PPIL3: variants seen among roughly 807,000 people sequenced by gnomAD.
The protein encoded by PPIL3 is peptidyl-prolyl cis-trans isomerase-like 3.
Under a neutral mutation model 20.9 loss-of-function variants are expected in PPIL3, and 13 were observed. The observed-to-expected ratio is 0.62, with a 90% confidence interval of 0.40 to 0.99. The LOEUF is 0.99. Ranked by LOEUF, PPIL3 falls within the 50% of genes least tolerant of loss-of-function variation. PPIL3 has a pLI of 0.00. For synonymous variants in PPIL3, 71 were observed against 64.4 expected, an observed-to-expected ratio of 1.10 and a Z score of -0.49; for missense variants, 170 against 195.2, an observed-to-expected ratio of 0.87 and a Z score of 0.77.
At chr2:200,875,267 T>C (rs957592711) in intron 6 of PPIL3, among the ~76,000 whole-genome samples, 3 of 151,486 alleles carry the variant, frequency 2.0e-5, no homozygotes, top group African/African-American at 7.3e-5. Flanking sequence ...CTGGGTCTTC[T>C]GGGAAAGTTT....
chr2:200,886,293 A>G (rs2039935578), intron 2 of PPIL3, among the ~76,000 whole-genome samples: 3 of 152,214 alleles, frequency 2.0e-5, no homozygotes, highest in African/African-American at 4.8e-5. Flanking sequence ...TTAAATGTGC[A>G]GAGATAACCA....
intron 3 of PPIL3, 67 bp from the exon 4 acceptor site, chr2:200,882,502 T>C (rs2039770020): frequency 3.1e-6 from 3 of 966,750 alleles, no homozygotes; most frequent in Admixed American, 1.8e-5. Context: ...AAACCAATCA[T>C]ATTTACTGAA....
At chr2:200,881,238 CAT>C (rs1373557788) in intron 5 of PPIL3, among the ~76,000 whole-genome samples, 181 bp downstream of exon 5, 11 of 152,208 alleles carry the variant, frequency 7.2e-5, no homozygotes, top group East Asian at 3.8e-4. Flanking sequence ...TTCCAGTACA[CAT>C]GTCAGGCTAG....
intron 6 of PPIL3, among the ~76,000 whole-genome samples, chr2:200,872,928 A>G (rs1254296143): frequency 2.0e-5 from 3 of 150,328 alleles, no homozygotes; most frequent in African/African-American, 4.9e-5. Flanking sequence ...ACTGGAGTGC[A>G]ATGGTGTGAT....
intron 5 of PPIL3, 24 bp downstream of exon 5, chr2:200,881,397 A>T: frequency 6.3e-7 from 1 of 1,586,780 alleles, no homozygotes; most frequent in Non-Finnish European, 8.6e-7. Context: ...TGAGAAATAG[A>T]TTTTTAAAGC....
chr2:200,884,487 C>T (rs927776433), intron 3 of PPIL3, among the ~76,000 whole-genome samples: 1 of 151,984 alleles, frequency 6.6e-6, no homozygotes, highest in Admixed American at 6.6e-5. Flanking sequence ...CCTATAATTC[C>T]AATACTTCAG....
At chr2:200,873,082 G>A (rs1316413518) in intron 6 of PPIL3, among the ~76,000 whole-genome samples, 6 of 152,156 alleles carry the variant, frequency 3.9e-5, no homozygotes, top group African/African-American at 1.2e-4. Context: ...ATGTTGGCCA[G>A]GCTGGTCTGG....
intron 6 of PPIL3, among the ~76,000 whole-genome samples, chr2:200,874,171 T>C (rs186048804): frequency 7.8e-4 from 116 of 148,178 alleles, no homozygotes; most frequent in South Asian, 2.8e-3. Context: ...CGCCACTGCA[T>C]TCCAGCCTGG....
intron 2 of PPIL3, among the ~76,000 whole-genome samples, chr2:200,886,693 C>T (rs778938941): frequency 5.9e-5 from 9 of 151,954 alleles, no homozygotes; most frequent in South Asian, 2.1e-4. Context: ...CCCAAAGTGC[C>T]GAGATTACAG....
In PPIL3 at chr2:200,876,988, T is replaced by C. The variant is rs143041789; in HGVS notation, c.290A>G (p.Asn97Ser). 143 of 1,613,852 alleles carry C rather than the reference T, an allele frequency of 8.9e-5. 1 individual carries two copies. Among genetic ancestry groups the C allele is most frequent in the South Asian group, 3.6e-4 (33 of 91,072 alleles). The change falls in exon 6 of 7, where the codon AAT becomes AGT. Residue 97 changes from asparagine to serine, a missense_variant. Physicochemically the swap from Asn to Ser is conservative, Grantham distance 46. Transcript: ENST00000392283. ...ATAGGTGATGAAGAACTGAGATCCA[T>C]TGGTGTTCGGGCCATTATTAGCCAT... ...VSMANNGPNT[N>S]GSQFFITYGK...
chr2:200,881,888 A>G (rs2039743673), intron 4 of PPIL3: 1 of 216,778 alleles, frequency 4.6e-6, no homozygotes, highest in African/African-American at 2.3e-5. Flanking sequence ...ATGTAATACT[A>G]TGCAGCCATA....
chr2:200,875,747 A>AT (rs1559336426), intron 6 of PPIL3, among the ~76,000 whole-genome samples: 2 of 150,938 alleles, frequency 1.3e-5, no homozygotes, highest in African/African-American at 2.4e-5. Context: ...TAATTTTTAA[A>AT]TTTTTTTTAT....
At chr2:200,882,662 C>A (rs1189563019) in intron 3 of PPIL3, among the ~76,000 whole-genome samples, 1 of 152,130 alleles carries the variant, frequency 6.6e-6, no homozygotes. Context: ...GTAATCCCAG[C>A]ACTTTGGGAG....
At chr2:200,888,849 CCGCCCACTGTTCACT>C (rs1294189066) in intron 1 of PPIL3, 92 bp downstream of exon 1, 1 of 455,204 alleles carries the variant, frequency 2.2e-6, no homozygotes, top group Non-Finnish European at 4.6e-6. Flanking sequence ...AACAGCCTCG[CCGCCCACTGTTCACT>C]CGCAGTATCC....
At chr2:200,887,489 C>T in intron 2 of PPIL3, 124 bp downstream of exon 2, 3 of 532,390 alleles carry the variant, frequency 5.6e-6, no homozygotes, top group Non-Finnish European at 6.5e-6. Flanking sequence ...ATATTAAGTG[C>T]TTCTATATTA....
In PPIL3 at chr2:200,882,365, A is replaced by G; in HGVS notation, c.149T>C (p.Met50Thr). ...ACCTGTTGGATCTCCTGTTTGAACC[A>G]TGAAACCCTTGATATTCCTATGAAA... is the stretch of plus-strand genomic sequence containing the variant. The part of the protein sequence containing the change: ...CIFHRNIKGF[M>T]VQTGDPTGTG... Residue 50 changes from methionine to threonine, a missense_variant, in exon 4 of 7, where the codon ATG becomes ACG. Transcript: ENST00000392283. The G allele has an allele frequency of 6.2e-7, 1 of 1,603,810 alleles. No individual in the cohort carries two copies. The highest frequency in any genetic ancestry group is 8.5e-7 in the Non-Finnish European group (1 of 1,170,554).
At chr2:200,884,711 G>C (rs905667040) in intron 3 of PPIL3, among the ~76,000 whole-genome samples, 1 of 151,844 alleles carries the variant, frequency 6.6e-6, no homozygotes, top group South Asian at 2.1e-4. Flanking sequence ...CTGCACTCCA[G>C]TCTGAGCGAC....
At chr2:200,878,825 G>A (rs2039612214) in intron 5 of PPIL3, among the ~76,000 whole-genome samples, 1 of 152,106 alleles carries the variant, frequency 6.6e-6, no homozygotes, top group Non-Finnish European at 1.5e-5. Context: ...GGTTATACAT[G>A]TACATATAGC....
chr2:200,886,309 C>A (rs1384135818), intron 2 of PPIL3, among the ~76,000 whole-genome samples: 2 of 152,040 alleles, frequency 1.3e-5, no homozygotes, highest in Non-Finnish European at 2.9e-5. Context: ...AACCACAGTG[C>A]TTTCTTGCTT....
Sources: gnomAD v4.1 joint callset for allele counts (sites outside exome capture counted in the v4.1 genomes callset) on GRCh38, gnomAD v4.1.1 for gene constraint, MANE v1.5 for transcripts, NCBI Gene and HGNC (gene_info 2026-07-23, HGNC 2026-07-21) for gene names.